Variants in SLC9A4 observed in about 807,000 individuals in gnomAD.
SLC9A4 encodes the protein solute carrier family 9 member A4.
SLC9A4 carries 63 observed loss-of-function variants against 67.4 expected under a neutral mutation model. The observed-to-expected ratio is 0.93, with a 90% CI of 0.76 to 1.15. The LOEUF is 1.15. Ranked by LOEUF, SLC9A4 falls within the 50% of genes most tolerant of loss-of-function variation. The pLI, the probability that SLC9A4 is intolerant of heterozygous loss-of-function variation, is 0.00. For synonymous variants in SLC9A4, 393 were observed against 367.2 expected (o/e 1.07, Z -0.80); for missense variants, 1,089 against 987.7 (o/e 1.10, Z -1.38).
At chr2:102,500,597 C>T (rs1478724661) in intron 2 of SLC9A4, among the ~76,000 whole-genome samples, 1 of 152,156 alleles carries the variant, frequency 6.6e-6, no homozygotes, top group Non-Finnish European at 1.5e-5. Context: ...CTGATGACAC[C>T]TGAGCTACTT....
rs898293771 is a variant in SLC9A4 at position 102,532,777 on chromosome 2, G to A, written c.*89G>A. 5.2e-6 allele frequency: 7 copies of A among 1,346,072 alleles called. No individual in the cohort carries two copies. The African/African-American group carries it at 8.8e-5, about 17-fold the overall frequency. 83.4% of individuals were successfully genotyped at this position (1,346,072 alleles called of 1,614,324 possible). A position where few individuals can be genotyped will look rare whatever the true frequency, so the allele number is the denominator to read the frequency against. ...GAGGATTTCTGGAATTCAGAAGAGA[G>A]CTATTGAGTTTGCTGTGTTGAAGCT... On this transcript the variant is annotated 3_prime_UTR_variant, in exon 12 of 12. Transcript: ENST00000295269.
chr2:102,497,707 C>A (rs917387102), intron 2 of SLC9A4, among the ~76,000 whole-genome samples: 1 of 152,198 alleles, frequency 6.6e-6, no homozygotes, highest in Non-Finnish European at 1.5e-5. Flanking sequence ...AATGAGGAAC[C>A]TTTCAGGGTT....
intron 1 of SLC9A4, 30 bp from the exon 2 acceptor site, chr2:102,478,809 A>G (rs766416547): frequency 6.3e-7 from 1 of 1,598,588 alleles, no homozygotes; most frequent in East Asian, 2.2e-5. Context: ...TTCGTTTGCA[A>G]GCACCTAACT....
Position 102,478,826 on chromosome 2 carries a change from C to T in SLC9A4, c.257-13C>T, listed in dbSNP as rs116650286. The T allele has an allele frequency of 1.8e-3, 2,868 of 1,610,964 alleles. 59 individuals carry two copies. The African/African-American group carries it at 0.035, about 20-fold the overall frequency. On this transcript the variant is annotated splice_polypyrimidine_tract_variant and intron_variant, in intron 1 of 11. Coordinates refer to ENST00000295269, the MANE Select transcript of SLC9A4 (RefSeq NM_001011552.4). Reference sequence around the variant, plus strand: ...CGTTTGCAAGCACCTAACTGCTCTTCGCTGTTCTGCAGGCTTCCACCTCTA... The same window carrying T: ...CGTTTGCAAGCACCTAACTGCTCTTTGCTGTTCTGCAGGCTTCCACCTCTA...
chr2:102,501,510 G>T (rs1416266822), intron 2 of SLC9A4, among the ~76,000 whole-genome samples: 7 of 152,080 alleles, frequency 4.6e-5, no homozygotes, highest in Non-Finnish European at 1.0e-4. Context: ...CTCCCAAAGT[G>T]CTGGGATTAC....
At chr2:102,520,234 T>C (rs528456843) in intron 9 of SLC9A4, among the ~76,000 whole-genome samples, 8 of 152,118 alleles carry the variant, frequency 5.3e-5, no homozygotes, top group Non-Finnish European at 1.2e-4. Context: ...TGTCCAGAAC[T>C]AGCAGGTCTC....
In SLC9A4 at chr2:102,473,625, T is replaced by G. The variant is rs778406699; in HGVS notation, c.-135T>G. ...AGAGCTCAATAACACACTCGGAATC[T>G]TCTTGGGAGGACCCACAGACTGTAC... is the stretch of plus-strand genomic sequence containing the variant. On this transcript the variant is annotated 5_prime_UTR_variant, in exon 1 of 12. Transcript: ENST00000295269. 6.4e-5 allele frequency: 71 copies of G among 1,102,646 alleles called. 1 individual carries two copies. The highest frequency in any genetic ancestry group is 8.8e-5 in the Non-Finnish European group (69 of 782,290). 68.3% of individuals were successfully genotyped at this position (1,102,646 alleles called of 1,614,324 possible). A position where few individuals can be genotyped will look rare whatever the true frequency, so the allele number is the denominator to read the frequency against.
chr2:102,522,366 A>G (rs6750971), intron 9 of SLC9A4, among the ~76,000 whole-genome samples: 115,124 of 151,994 alleles, frequency 0.76, 43,871 homozygotes, highest in Middle Eastern at 0.81. Flanking sequence ...CTCAAGGTCC[A>G]GTGGGAAATG....
rs530023985 is a variant in SLC9A4, at chr2:102,497,223, G to A, written c.721-6225G>A. Reference sequence around the variant, plus strand: ...GCTGGGACTACAGGCATGAGCCACCGTGCCTGGCCTGACATGATGACTTTG... The same window carrying A: ...GCTGGGACTACAGGCATGAGCCACCATGCCTGGCCTGACATGATGACTTTG... On this transcript the variant is annotated intron_variant, in intron 2 of 11. Coordinates refer to ENST00000295269, the MANE Select transcript of SLC9A4 (RefSeq NM_001011552.4). Among the ~76,000 whole-genome samples the A allele has an allele frequency of 1.5e-3, 231 of 152,318 alleles. 3 individuals carry two copies. Among genetic ancestry groups the A allele is most frequent in the African/African-American group, 4.7e-3 (194 of 41,576 alleles).
intron 1 of SLC9A4, 100 bp downstream of exon 1, chr2:102,474,115 T>A: frequency 1.5e-6 from 2 of 1,335,070 alleles, no homozygotes; most frequent in Non-Finnish European, 2.0e-6. Flanking sequence ...TTTTAACTGT[T>A]ACTGCTATTA....
chr2:102,491,935 T>C (rs1684711552), intron 2 of SLC9A4, among the ~76,000 whole-genome samples: 2 of 152,124 alleles, frequency 1.3e-5, no homozygotes, highest in African/African-American at 4.8e-5. Context: ...CTCTTCCAAA[T>C]GGGAGAAATT....
rs141491648 is a variant in SLC9A4, at chr2:102,512,260, C to T, written c.1546C>T (p.Gln516Ter). Reference protein sequence around the residue: ...EDVCGHWSHYQVRDKFKKFDH... With the variant: ...EDVCGHWSHY ...TGTGTGTGGGCACTGGAGTCACTACCAAGTGAGAGACAAGTAAGGAGGCTG... is the reference window on the plus strand; with the variant it reads ...TGTGTGTGGGCACTGGAGTCACTACTAAGTGAGAGACAAGTAAGGAGGCTG... Residue 516 changes from glutamine (Q) to a stop codon, truncating the protein, a stop_gained, in exon 7 of 12, where the codon CAA becomes TAA. Transcript: ENST00000295269. LOFTEE classifies it high-confidence loss of function. The T allele has an allele frequency of 6.8e-6, 11 of 1,613,862 alleles. No homozygotes were observed. The African/African-American group carries it at 1.1e-4, about 16-fold the overall frequency.
intron 2 of SLC9A4, among the ~76,000 whole-genome samples, chr2:102,499,414 A>G (rs1684877086): frequency 6.6e-6 from 1 of 152,174 alleles, no homozygotes; most frequent in Admixed American, 6.5e-5. Context: ...GACAATTTCT[A>G]CACTTTTTCA....
intron 1 of SLC9A4, among the ~76,000 whole-genome samples, chr2:102,476,706 G>A (rs1313624490): frequency 6.6e-6 from 1 of 152,046 alleles, no homozygotes; most frequent in African/African-American, 2.4e-5. Context: ...AAGAGAAGAA[G>A]GAGGAGATGG....
At chr2:102,530,104 C>T (rs567763197) in intron 11 of SLC9A4, among the ~76,000 whole-genome samples, 3 of 152,202 alleles carry the variant, frequency 2.0e-5, no homozygotes, top group South Asian at 4.2e-4. Flanking sequence ...TTTTATGTTA[C>T]GTATATTTTA....
Position 102,473,678 on chromosome 2 carries a change from C to A in SLC9A4, c.-82C>A. On this transcript the variant is annotated 5_prime_UTR_variant, in exon 1 of 12. Coordinates refer to ENST00000295269, the MANE Select transcript of SLC9A4 (RefSeq NM_001011552.4). ...ATATTACTTTTGACCCAGGTGGATG[C>A]AGTCACTCTCTAGAAGCCTCCCCGA... 6.5e-7 allele frequency: 1 copy of A among 1,540,280 alleles called. No homozygotes were observed. The highest frequency in any genetic ancestry group is 8.7e-7 in the Non-Finnish European group (1 of 1,143,260).
At chr2:102,490,952 G>C (rs998659788) in intron 2 of SLC9A4, among the ~76,000 whole-genome samples, 1 of 152,192 alleles carries the variant, frequency 6.6e-6, no homozygotes, top group Non-Finnish European at 1.5e-5. Context: ...GCTGGTCACT[G>C]TGCTGGAGGA....
At chr2:102,509,174 G>A (rs142067286) in intron 6 of SLC9A4, among the ~76,000 whole-genome samples, 2 of 152,190 alleles carry the variant, frequency 1.3e-5, no homozygotes, top group South Asian at 2.1e-4. Context: ...GCAGGGCTGC[G>A]CTCCTTTCTG....
Position 102,519,887 on chromosome 2 carries a change from CTT to C in SLC9A4, c.1752_1753del (p.Ser585ProfsTer2). 1 of 1,613,822 alleles carries C rather than the reference CTT, an allele frequency of 6.2e-7. No homozygotes were observed. On this transcript the variant is annotated frameshift_variant, in exon 9 of 12. Coordinates refer to ENST00000295269, the MANE Select transcript of SLC9A4 (RefSeq NM_001011552.4). LOFTEE classifies it high-confidence loss of function. ...CCAGAGGATACAAGGAATCAAAAGACTTTCCCCTGAAGATGTGGAGTCCATAA... is the reference window on the plus strand; with the variant it reads ...CCAGAGGATACAAGGAATCAAAAGACTCCCCTGAAGATGTGGAGTCCATAA... ...QAQRIQGIKR[L>X]SPEDVESIRD...
Sources: gnomAD v4.1 joint callset for allele counts (sites outside exome capture counted in the v4.1 genomes callset) on GRCh38, gnomAD v4.1.1 for gene constraint, MANE v1.5 for transcripts, NCBI Gene and HGNC (gene_info 2026-07-23, HGNC 2026-07-21) for gene names.